Variants in SGCD observed in about 807,000 individuals in gnomAD.
SGCD encodes the protein delta-sarcoglycan.
A neutral mutation model predicts 36.6 loss-of-function variants in SGCD; 18 were observed. That is an observed-to-expected ratio of 0.49 (90% CI 0.34 to 0.73). SGCD has a LOEUF of 0.73. Among genes scored for constraint, SGCD ranks in the 30% least tolerant of loss-of-function variants. The probability of loss-of-function intolerance (pLI) is 0.01; values close to 1 mark genes in which losing one functional copy is unlikely to be tolerated. For missense variants in SGCD, 387 were observed against 346.7 expected, an observed-to-expected ratio of 1.12 and a Z score of -0.92; for synonymous variants, 133 against 130.6, an observed-to-expected ratio of 1.02 and a Z score of -0.12.
intron 3 of SGCD, among the ~76,000 whole-genome samples, chr5:156,140,382 A>G (rs1172610201): frequency 6.6e-6 from 1 of 152,206 alleles, no homozygotes; most frequent in Non-Finnish European, 1.5e-5. Context: ...TGATCTAAGT[A>G]GTCATGAACA....
intron 7 of SGCD, among the ~76,000 whole-genome samples, chr5:156,665,203 A>G (rs972626497): frequency 1.3e-4 from 20 of 152,304 alleles, no homozygotes; most frequent in Non-Finnish European, 2.5e-4. Context: ...TTGTAATCTT[A>G]CGGGCACCTG....
intron 4 of SGCD, among the ~76,000 whole-genome samples, chr5:156,550,883 G>A (rs1305052265): frequency 5.3e-5 from 8 of 152,160 alleles, no homozygotes; most frequent in East Asian, 1.9e-4. Flanking sequence ...TCATGAAGAC[G>A]GCATGGGAAT....
At chr5:156,242,417 G>A (rs1167669109) in intron 3 of SGCD, among the ~76,000 whole-genome samples, 1 of 152,200 alleles carries the variant, frequency 6.6e-6, no homozygotes, top group Non-Finnish European at 1.5e-5. Context: ...ATTGACTCAG[G>A]TGGTGTAGAC....
intron 3 of SGCD, among the ~76,000 whole-genome samples, chr5:156,443,135 C>T (rs766264710): frequency 6.6e-6 from 1 of 152,050 alleles, no homozygotes; most frequent in Non-Finnish European, 1.5e-5. Flanking sequence ...GAGGCACGCA[C>T]CATCATGCCC....
At chr5:156,637,220 C>T (rs1164441079) in intron 6 of SGCD, among the ~76,000 whole-genome samples, 1 of 152,076 alleles carries the variant, frequency 6.6e-6, no homozygotes, top group East Asian at 1.9e-4. Flanking sequence ...ATATTTGCAT[C>T]CCCCTCCACC....
chr5:156,625,546 G>A (rs1762407269), intron 6 of SGCD, among the ~76,000 whole-genome samples: 1 of 152,178 alleles, frequency 6.6e-6, no homozygotes, highest in Non-Finnish European at 1.5e-5. Context: ...ATTCTCATCA[G>A]AGGAAATGCT....
At chr5:156,122,089 C>T (rs1762056265) in intron 2 of SGCD, among the ~76,000 whole-genome samples, 1 of 152,136 alleles carries the variant, frequency 6.6e-6, no homozygotes, top group Non-Finnish European at 1.5e-5. Context: ...TTCATCTAGT[C>T]AGTATTCCAT....
At chr5:156,012,148 A>T (rs777591116) in intron 1 of SGCD, among the ~76,000 whole-genome samples, 71 of 152,220 alleles carry the variant, frequency 4.7e-4, no homozygotes, top group Non-Finnish European at 8.1e-4. Flanking sequence ...ATGACAATGG[A>T]TCTCTAAATG....
intron 1 of SGCD, among the ~76,000 whole-genome samples, chr5:155,873,215 T>C (rs892632333): frequency 6.6e-6 from 1 of 152,154 alleles, no homozygotes; most frequent in African/African-American, 2.4e-5. Flanking sequence ...AGCATGACTT[T>C]AGTTAGCCAC....
chr5:156,003,478 C>T (rs926950666), intron 1 of SGCD, among the ~76,000 whole-genome samples: 19 of 152,184 alleles, frequency 1.2e-4, no homozygotes, highest in African/African-American at 3.4e-4. Context: ...CACTCTTTCC[C>T]GGAGCTGTCT....
chr5:156,452,039 G>A (rs143549107), intron 3 of SGCD, among the ~76,000 whole-genome samples: 1 of 152,142 alleles, frequency 6.6e-6, no homozygotes, highest in Non-Finnish European at 1.5e-5. Flanking sequence ...TGGTCACACA[G>A]TTGACTTAGG....
At chr5:155,767,440 A>G in the SGCD span, among the ~76,000 whole-genome samples, 1 of 152,342 alleles carries the variant, frequency 6.6e-6, no homozygotes, top group Admixed American at 6.5e-5. Flanking sequence ...ATAATGTGAA[A>G]CAAACTACAT....
intron 3 of SGCD, among the ~76,000 whole-genome samples, chr5:156,291,388 C>A (rs1766753016): frequency 6.6e-6 from 1 of 151,884 alleles, no homozygotes; most frequent in African/African-American, 2.4e-5. Context: ...TATGATGTAT[C>A]ACTAAAAATA....
chr5:156,387,659 G>C (rs778680896), intron 3 of SGCD, among the ~76,000 whole-genome samples: 3 of 152,134 alleles, frequency 2.0e-5, no homozygotes, highest in Admixed American at 6.6e-5. Flanking sequence ...ATTATTGTTT[G>C]GCAGAGAGTA....
chr5:156,480,715 A>G (rs1755387199), intron 3 of SGCD, among the ~76,000 whole-genome samples: 2 of 152,238 alleles, frequency 1.3e-5, no homozygotes, highest in Admixed American at 1.3e-4. Flanking sequence ...TTCTGGAGAT[A>G]ATGCTGGGTG....
At chr5:156,365,727 A>C (rs1334942817) in intron 3 of SGCD, among the ~76,000 whole-genome samples, 2 of 152,128 alleles carry the variant, frequency 1.3e-5, no homozygotes, top group Admixed American at 1.3e-4. Context: ...TATACAATAT[A>C]TACATGTATA....
At chr5:156,423,030 C>T (rs1773390711) in intron 3 of SGCD, among the ~76,000 whole-genome samples, 1 of 150,198 alleles carries the variant, frequency 6.7e-6, no homozygotes, top group African/African-American at 2.5e-5. Context: ...TTGATTTACT[C>T]AGACACAAAA....
At chr5:156,154,826 C>T (rs1383338009) in intron 3 of SGCD, among the ~76,000 whole-genome samples, 1 of 151,458 alleles carries the variant, frequency 6.6e-6, no homozygotes, top group Non-Finnish European at 1.5e-5. Flanking sequence ...TTTTTTTCTA[C>T]TTTAAAGGAA....
At chr5:155,785,371 A>G in the SGCD span, among the ~76,000 whole-genome samples, 1 of 152,204 alleles carries the variant, frequency 6.6e-6, no homozygotes, top group Non-Finnish European at 1.5e-5. Flanking sequence ...GTAATGATTA[A>G]ATCAGGGTAA....
Sources: gnomAD v4.1 joint callset for allele counts (sites outside exome capture counted in the v4.1 genomes callset) on GRCh38, gnomAD v4.1.1 for gene constraint, MANE v1.5 for transcripts, NCBI Gene and HGNC (gene_info 2026-07-23, HGNC 2026-07-21) for gene names.